MINAR1: variants seen among roughly 807,000 people sequenced by gnomAD.
The protein encoded by MINAR1 is major intrinsically disordered Notch2-binding receptor 1.
A neutral mutation model predicts 65.1 loss-of-function variants in MINAR1; 40 were observed. The observed-to-expected ratio is 0.61, with a 90% confidence interval of 0.48 to 0.80. The LOEUF is 0.80. Ranked by LOEUF, MINAR1 falls within the 30% of genes least tolerant of loss-of-function variation. The probability of loss-of-function intolerance (pLI) is 0.00; values close to 1 mark genes in which losing one functional copy is unlikely to be tolerated. For missense variants in MINAR1, 1,128 were observed against 1,148.0 expected (o/e 0.98, Z 0.25); for synonymous variants, 482 against 449.1 (o/e 1.07, Z -0.93).
chr15:79,450,751 G>A (rs1272068838), intron 1 of MINAR1, among the ~76,000 whole-genome samples: 1 of 148,518 alleles, frequency 6.7e-6, no homozygotes, highest in African/African-American at 2.4e-5. Context: ...CTTTAGGCAG[G>A]CGTCTCTTGC....
chr15:79,452,844 A>G (rs1895279374), intron 1 of MINAR1, among the ~76,000 whole-genome samples: 2 of 128,916 alleles, frequency 1.6e-5, no homozygotes, highest in Admixed American at 1.5e-4. Flanking sequence ...TCTGCATGTG[A>G]GTGTATGGGT....
In MINAR1 at chr15:79,463,284, C is replaced by T. The variant is rs199519106; in HGVS notation, c.2516C>T (p.Ala839Val). ...ACCATTGAGGAGTATGCACGGAATG[C>T]GGGCGACAAGGGCAAGCTGACAGCC... ...SWTIEEYARN[A>V]GDKGKLTALD... is the part of the protein sequence containing the mutation. Residue 839 changes from alanine to valine, a missense_variant, in exon 3 of 4, where the codon GCG (alanine) becomes GTG (valine). Ala to Val is a moderately conservative substitution (Grantham distance 64). Coordinates refer to ENST00000305428, the MANE Select transcript of MINAR1 (RefSeq NM_015206.3). 2.2e-5 allele frequency: 36 copies of T among 1,614,088 alleles called. No individual in the cohort carries two copies. Among genetic ancestry groups the T allele is most frequent in the Admixed American group, 3.3e-5 (2 of 60,026 alleles).
chr15:79,447,671 A>G (rs537599111), intron 1 of MINAR1, among the ~76,000 whole-genome samples: 8 of 152,266 alleles, frequency 5.3e-5, no homozygotes, highest in African/African-American at 1.9e-4. Flanking sequence ...AGCCATGGAC[A>G]TTAGCAGCAT....
intron 1 of MINAR1, among the ~76,000 whole-genome samples, chr15:79,437,676 T>TG (rs1894648285): frequency 1.9e-5 from 1 of 52,304 alleles, no homozygotes; most frequent in Non-Finnish European, 3.9e-5. Flanking sequence ...GTGTGGGGTG[T>TG]GGGTGGCGTG....
intron 1 of MINAR1, among the ~76,000 whole-genome samples, chr15:79,453,154 G>A (rs1895293341): frequency 6.6e-6 from 1 of 152,076 alleles, no homozygotes; most frequent in Admixed American, 6.6e-5. Flanking sequence ...GCTGGGGAAT[G>A]TCCGTGCCCC....
chr15:79,465,388 G>A (rs188725903), intron 3 of MINAR1, among the ~76,000 whole-genome samples: 134 of 152,252 alleles, frequency 8.8e-4, no homozygotes, highest in African/African-American at 2.9e-3. Context: ...ACTTGAGGGC[G>A]TAGGCAAAGG....
the MINAR1 span, chr15:79,426,707 C>T: frequency 6.6e-6 from 1 of 152,172 alleles, no homozygotes; most frequent in Non-Finnish European, 1.5e-5. Flanking sequence ...CTAGAGAGGC[C>T]CCTAGTCTCC....
intron 1 of MINAR1, among the ~76,000 whole-genome samples, chr15:79,441,731 T>C (rs1052882723): frequency 2.6e-5 from 4 of 152,148 alleles, no homozygotes; most frequent in African/African-American, 4.8e-5. Flanking sequence ...ATACTGATTA[T>C]AGATACCATA....
intron 1 of MINAR1, among the ~76,000 whole-genome samples, chr15:79,452,767 CTGTG>C (rs200348930): frequency 7.5e-6 from 1 of 132,594 alleles, no homozygotes; most frequent in Non-Finnish European, 1.7e-5. Context: ...GTGAGTGAAG[CTGTG>C]TGCGTGTCTG....
At chr15:79,413,644 A>C in the MINAR1 span, 1 of 152,252 alleles carries the variant, frequency 6.6e-6, no homozygotes, top group South Asian at 2.1e-4. Flanking sequence ...CTGGGAGGAT[A>C]CAGGAATGAG....
chr15:79,452,441 T>C (rs897729710), intron 1 of MINAR1, among the ~76,000 whole-genome samples: 2 of 151,628 alleles, frequency 1.3e-5, no homozygotes, highest in African/African-American at 4.8e-5. Flanking sequence ...TGAGTCTGTG[T>C]GAGTGTGTGT....
chr15:79,413,743 C>T, the MINAR1 span: 1 of 152,214 alleles, frequency 6.6e-6, no homozygotes, highest in Non-Finnish European at 1.5e-5. Context: ...CCTGGTTGGA[C>T]AGTGTGTATC....
At chr15:79,432,964 G>A (rs1397188747) in intron 1 of MINAR1, among the ~76,000 whole-genome samples, 2 of 152,254 alleles carry the variant, frequency 1.3e-5, no homozygotes, top group Non-Finnish European at 2.9e-5. Flanking sequence ...TGGAAAGCTG[G>A]ACAAGCCCCA....
intron 1 of MINAR1, among the ~76,000 whole-genome samples, chr15:79,443,846 T>G (rs976235040): frequency 6.6e-6 from 1 of 152,128 alleles, no homozygotes; most frequent in Non-Finnish European, 1.5e-5. Context: ...AGGTTTTGAT[T>G]ATCTTGAGCT....
At chr15:79,431,859 C>A (rs1471136685), upstream of MINAR1, among the ~76,000 whole-genome samples, 1 of 152,214 alleles carries the variant, frequency 6.6e-6, no homozygotes, top group Non-Finnish European at 1.5e-5. Context: ...ACCGAACGGA[C>A]ACCGCCTTCC....
At chr15:79,460,100 T>A (rs1238831791) in intron 2 of MINAR1, among the ~76,000 whole-genome samples, 2 of 152,208 alleles carry the variant, frequency 1.3e-5, no homozygotes, top group East Asian at 3.9e-4. Flanking sequence ...CAAGCTTCAG[T>A]CAGATCCGCT....
At chr15:79,432,585 A>AGTGTGTGTGTGTGTGTGTGT (rs3036997) in intron 1 of MINAR1, 45 bp downstream of exon 1, 8 of 150,752 alleles carry the variant, frequency 5.3e-5, no homozygotes, top group Admixed American at 1.3e-4. Context: ...GGAGCGCACG[A>AGTGTGTGTGTGTGTGTGTGT]GTGTGTGTGT....
intron 3 of MINAR1, among the ~76,000 whole-genome samples, chr15:79,467,644 G>A (rs1267523096): frequency 1.3e-5 from 2 of 152,158 alleles, no homozygotes; most frequent in Non-Finnish European, 2.9e-5. Flanking sequence ...GGCATGACCT[G>A]CTCAGATAAA....
intron 1 of MINAR1, among the ~76,000 whole-genome samples, chr15:79,433,204 A>G (rs1267294450): frequency 6.6e-6 from 1 of 151,848 alleles, no homozygotes; most frequent in Non-Finnish European, 1.5e-5. Flanking sequence ...CGAAAGCGAT[A>G]ATTTCCTTGG....
Sources: allele counts gnomAD v4.1 joint callset (sites outside exome capture counted in the v4.1 genomes callset), GRCh38; gene constraint gnomAD v4.1.1; transcripts MANE v1.5; gene names NCBI Gene and HGNC (gene_info 2026-07-23, HGNC 2026-07-21).